Variants in CFAP65 observed in about 807,000 individuals in gnomAD.
CFAP65 encodes the protein cilia and flagella associated protein 65, also known as cilia- and flagella-associated protein 65.
In CFAP65, 155 loss-of-function variants were observed where a neutral mutation model predicts 208.0. The ratio of observed to expected loss-of-function variants is 0.75; its 90% confidence interval spans 0.65 to 0.85. CFAP65 has a LOEUF of 0.85. CFAP65 is among the 40% of genes least tolerant of loss of function. The pLI, the probability that CFAP65 is intolerant of heterozygous loss-of-function variation, is 0.00. For missense variants in CFAP65, 2,294 were observed against 2,451.3 expected, an observed-to-expected ratio of 0.94 and a Z score of 1.36; for synonymous variants, 970 against 986.3, an observed-to-expected ratio of 0.98 and a Z score of 0.31.
Position 219,034,817 on chromosome 2 carries a change from A to G in CFAP65, c.542+663T>C, listed in dbSNP as rs142407052. 2.0e-3 allele frequency: 304 copies of G among 152,526 alleles called. 2 individuals are homozygous for G. In the South Asian group the frequency reaches 0.04, roughly 20 times the overall value. The allele number at this position is 152,526 out of a possible 1,614,324, so 9.4% of individuals were successfully genotyped here. Reference sequence around the variant, plus strand: ...AGTAATCAGGGAAATGCAAATTAAAACCACAAGTTACCATTACTGGCAAAA... The same window carrying G: ...AGTAATCAGGGAAATGCAAATTAAAGCCACAAGTTACCATTACTGGCAAAA... On this transcript the variant is annotated intron_variant, in intron 5 of 34. Coordinates refer to ENST00000341552, the MANE Select transcript of CFAP65 (RefSeq NM_194302.4).
Position 219,012,302 on chromosome 2 carries a change from A to G in CFAP65, c.3957+957T>C, listed in dbSNP as rs902782486. ...GCATCTCAAACTTGGCCAGAACCAA[A>G]CTCTTCATTCTAAAGCCTATTCCTG... On this transcript the variant is annotated intron_variant, in intron 24 of 34. Coordinates refer to ENST00000341552, the MANE Select transcript of CFAP65 (RefSeq NM_194302.4). Among the ~76,000 whole-genome samples, 5 of 152,064 alleles carry G rather than the reference A, an allele frequency of 3.3e-5. No individual in the cohort carries two copies. The East Asian group carries it at 9.6e-4, about 29-fold the overall frequency.
chr2:219,013,575 T>C lies in CFAP65; in HGVS notation c.3790A>G (p.Ile1264Val), dbSNP rs751171535. The change falls in exon 23 of 35, where the codon ATC becomes GTC. Residue 1264 changes from isoleucine (I) to valine (V), a missense_variant. Coordinates refer to ENST00000341552, the MANE Select transcript of CFAP65 (RefSeq NM_194302.4). ...MVELKYSHLFIGTDHLPVLFK... is the reference protein window; with the variant it reads ...MVELKYSHLFVGTDHLPVLFK... ...AGCACTGGGAGGTGATCAGTACCGA[T>C]GAACAGGTGGCTAGAAAGAAACAGA... The C allele has an allele frequency of 1.2e-5, 19 of 1,599,558 alleles. No homozygotes were observed. The East Asian group carries it at 3.2e-4, about 27-fold the overall frequency.
intron 14 of CFAP65, 127 bp from the exon 15 acceptor site, chr2:219,024,387 A>AGTCAAC (rs1947479349): frequency 8.8e-7 from 1 of 1,134,190 alleles, no homozygotes; most frequent in African/African-American, 1.6e-5. Context: ...CCTGCAGCCC[A>AGTCAAC]GTCAACGCCC....
chr2:219,038,580 T>G lies in CFAP65; in HGVS notation c.154-2A>C, dbSNP rs1948500933. On this transcript the variant is annotated splice_acceptor_variant, in intron 3 of 34. Transcript: ENST00000341552. LOFTEE classifies it high-confidence loss of function. ...AAAGGGAGCACTCTGAGTATGGAGC[T>G]GGGAAGAGAGCAGAGGGGAGAGGAG... is the stretch of plus-strand genomic sequence containing the variant. 1 of 1,612,538 alleles carries G rather than the reference T, an allele frequency of 6.2e-7. No homozygotes were observed. The highest frequency in any genetic ancestry group is 1.3e-5 in the African/African-American group (1 of 74,818).
chr2:219,005,587 T>C, intron 31 of CFAP65, 25 bp from the exon 32 acceptor site: 2 of 1,609,554 alleles, frequency 1.2e-6, no homozygotes, highest in Non-Finnish European at 1.7e-6. Flanking sequence ...ACATTCTGAG[T>C]GGCCTGGGCA....
chr2:219,009,869 A>C, intron 27 of CFAP65, 73 bp downstream of exon 27: 1 of 1,295,618 alleles, frequency 7.7e-7, no homozygotes, highest in African/African-American at 1.6e-5. Context: ...GTGGGGTGGT[A>C]TGGGATGGGG....
chr2:219,014,338 C>G (rs1946696651), intron 21 of CFAP65: 1 of 259,266 alleles, frequency 3.9e-6, no homozygotes, highest in African/African-American at 2.2e-5. Flanking sequence ...ATGGGGGCCA[C>G]TTTGAGCTGG....
chr2:219,011,339 A>G (rs575963721), intron 24 of CFAP65, among the ~76,000 whole-genome samples: 57 of 147,280 alleles, frequency 3.9e-4, no homozygotes, highest in African/African-American at 1.4e-3. Flanking sequence ...CAGTGGCATA[A>G]TCATGGCTCA....
Position 219,023,339 on chromosome 2 carries a change from G to T in CFAP65, c.2688C>A (p.Ser896=). 6.2e-7 allele frequency: 1 copy of T among 1,611,474 alleles called. No homozygotes were observed. Among genetic ancestry groups the T allele is most frequent in the Non-Finnish European group, 8.5e-7 (1 of 1,178,940 alleles). ...LYFKPTWVGC[S]STSPFTFRNP... ...TGCGGAAGGTGAAGGGGCTGGTGGA[G>T]GAGCAGCCCACCCAGGTGGGCTTGA... Residue 896 remains serine (S), a synonymous_variant, in exon 16 of 35, where the codon TCC becomes TCA. Transcript: ENST00000341552.
Position 219,031,189 on chromosome 2 carries a change from G to A in CFAP65, c.932C>T (p.Thr311Ile). The change falls in exon 8 of 35, where the codon ACA becomes ATA. Residue 311 changes from threonine to isoleucine, a missense_variant. Physicochemically the swap from Thr to Ile is moderately conservative, Grantham distance 89. This residue lies in a region of CFAP65 where 867 missense variants were observed against 1,012.6 expected (regional missense o/e 0.86). Transcript: ENST00000341552. The surrounding 1 kb of genome is among the most constrained non-coding windows in gnomAD (Gnocchi z 5.2). Reference protein sequence around the residue: ...SQIKVTFQPLTAVIYEVQATC... With the variant: ...SQIKVTFQPLIAVIYEVQATC... ...GGCCTGCACCTCGTAGATGACGGCT[G>A]TAAGGGGCTGAAAGGTCACCTTGAT... 2 of 1,612,892 alleles carry A rather than the reference G, an allele frequency of 1.2e-6. No individual in the cohort carries two copies. Among genetic ancestry groups the A allele is most frequent in the Non-Finnish European group, 1.7e-6 (2 of 1,179,572 alleles).
intron 2 of CFAP65, among the ~76,000 whole-genome samples, chr2:219,039,676 C>T (rs183605892): frequency 7.2e-5 from 11 of 152,264 alleles, no homozygotes; most frequent in African/African-American, 2.4e-4. Context: ...CCCATCATAT[C>T]AAAAATACTA....
At chr2:219,029,338 G>A in intron 11 of CFAP65, 65 bp downstream of exon 11, 1 of 1,555,098 alleles carries the variant, frequency 6.4e-7, no homozygotes, top group East Asian at 2.3e-5. Flanking sequence ...ACCAAGCCTT[G>A]TCATCATCAG....
In CFAP65 at chr2:219,003,965, C is replaced by T. The variant is rs758034561; in HGVS notation, c.5542G>A (p.Glu1848Lys). 6.2e-7 allele frequency: 1 copy of T among 1,611,656 alleles called. No homozygotes were observed. Among genetic ancestry groups the T allele is most frequent in the African/African-American group, 1.3e-5 (1 of 74,892 alleles). ...CTGGCTGCTCACCTTCTGATGGCCT[C>T]CTTCTCGTCCTGTTCTTGCTCCTCC... ...VKEEQEQDEKEAIRRLPAFAN... is the reference protein window; with the variant it reads ...VKEEQEQDEKKAIRRLPAFAN... The change falls in exon 33 of 35, where the codon GAG becomes AAG. Residue 1848 changes from glutamate (E) to lysine (K), a missense_variant. Physicochemically the swap from Glu to Lys is moderately conservative, Grantham distance 56. Around this residue, in one of 2 missense-constraint regions of CFAP65, gnomAD observed 1,427 missense variants for 1,438.7 expected, o/e 0.99. Coordinates refer to ENST00000341552, the MANE Select transcript of CFAP65 (RefSeq NM_194302.4). The surrounding 1 kb of genome is among the most constrained non-coding windows in gnomAD (Gnocchi z 4.4).
chr2:219,023,307 G>A lies in CFAP65; in HGVS notation c.2720C>T (p.Ser907Leu), dbSNP rs557964711. 72 of 1,613,152 alleles carry A rather than the reference G, an allele frequency of 4.5e-5. No individual in the cohort carries two copies. The highest frequency in any genetic ancestry group is 1.3e-4 in the South Asian group (12 of 90,798). Residue 907 changes from serine (S) to leucine (L), a missense_variant, in exon 16 of 35, where the codon TCG (serine) becomes TTG (leucine). By Grantham distance (145) the Ser-to-Leu change is moderately radical (BLOSUM62 -2). Coordinates refer to ENST00000341552, the MANE Select transcript of CFAP65 (RefSeq NM_194302.4). ...STSPFTFRNP[S>L]RLPLQFEWRV... ...CCACTCGAACTGCAGGGGCAGACGC[G>A]AGGGGTTGCGGAAGGTGAAGGGGCT...
rs766210831 is a variant in CFAP65, at chr2:219,030,201, G to A, written c.1169C>T (p.Ala390Val). Residue 390 changes from alanine to valine, a missense_variant, in exon 10 of 35, where the codon GCC becomes GTC. Transcript: ENST00000341552. The part of the protein sequence containing the change: ...IRLHNPSAVN[A>V]PFRIEISPDE... ...CGGGGAAATTTCAATCCTGAAGGGG[G>A]CATTTACCTGTGTGGCCAAGCAGAA... The A allele has an allele frequency of 6.2e-7, 1 of 1,613,902 alleles. No homozygotes were observed. The highest frequency in any genetic ancestry group is 8.5e-7 in the Non-Finnish European group (1 of 1,179,988).
At chr2:219,038,786 C>A in intron 3 of CFAP65, 110 bp downstream of exon 3, 1 of 1,270,906 alleles carries the variant, frequency 7.9e-7, no homozygotes, top group Admixed American at 2.3e-5. Flanking sequence ...TCAGGGAAGG[C>A]ACTCCAAAGA....
In CFAP65 at chr2:219,027,778, G is replaced by A. The variant is rs143251011; in HGVS notation, c.2083C>T (p.Pro695Ser). 2,499 of 1,613,924 alleles carry A rather than the reference G, an allele frequency of 1.5e-3. 5 individuals are homozygous for A. Among genetic ancestry groups the A allele is most frequent in the Non-Finnish European group, 2.0e-3 (2,326 of 1,179,886 alleles). ...MVVWTRRSDC[P>S]FWVTPESCDV... The stretch of plus-strand genomic sequence containing the variant: ...CAGCTCTCTGGAGTCACCCAGAAGG[G>A]GCAGTCAGACCTTCGCGTCCAGACC... Residue 695 changes from proline to serine, a missense_variant, in exon 13 of 35, where the codon CCC becomes TCC. Coordinates refer to ENST00000341552, the MANE Select transcript of CFAP65 (RefSeq NM_194302.4).
At chr2:219,034,915 G>A (rs1175826009) in intron 5 of CFAP65, 2 of 159,378 alleles carry the variant, frequency 1.3e-5, no homozygotes, top group Non-Finnish European at 2.7e-5. Context: ...CTGCTGGTGG[G>A]TGTCTAAAGA....
chr2:219,004,076 A>G lies in CFAP65; in HGVS notation c.5431T>C (p.Trp1811Arg). The part of the protein sequence containing the change: ...ERDEKEEKVS[W>R]AGIGPTPQPE... ...TGTGGTGTGGGCCCGATGCCCGCCC[A>G]GCTCACTTTCTCTTCCTTCTCATCC... Residue 1811 changes from tryptophan (W) to arginine (R), a missense_variant, in exon 33 of 35, where the codon TGG (tryptophan) becomes CGG (arginine). This residue lies in a region of CFAP65 where 1,427 missense variants were observed against 1,438.7 expected (regional missense o/e 0.99). Coordinates refer to ENST00000341552, the MANE Select transcript of CFAP65 (RefSeq NM_194302.4). The surrounding 1 kb of genome is among the most constrained non-coding windows in gnomAD (Gnocchi z 4.7). The G allele has an allele frequency of 6.3e-7, 1 of 1,583,620 alleles. No individual in the cohort carries two copies. Among genetic ancestry groups the G allele is most frequent in the South Asian group, 1.1e-5 (1 of 90,512 alleles).
Sources: allele counts gnomAD v4.1 joint callset (sites outside exome capture counted in the v4.1 genomes callset), GRCh38; gene constraint gnomAD v4.1.1; regional missense constraint gnomAD v4.1.1; non-coding constraint Gnocchi (gnomAD v3.1); transcripts MANE v1.5; gene names NCBI Gene and HGNC (gene_info 2026-07-23, HGNC 2026-07-21).